Variants in PLA2R1 observed in about 807,000 individuals in gnomAD.
PLA2R1 encodes the protein secretory phospholipase A2 receptor.
A neutral mutation model predicts 195.9 loss-of-function variants in PLA2R1; 158 were observed. That is an observed-to-expected ratio of 0.81 (90% CI 0.71 to 0.92). PLA2R1 has a LOEUF of 0.92. PLA2R1 is among the 40% of genes least tolerant of loss of function. The pLI is 0.00. For missense variants in PLA2R1, 1,626 were observed against 1,764.6 expected, an observed-to-expected ratio of 0.92 and a Z score of 1.41; for synonymous variants, 586 against 598.2, an observed-to-expected ratio of 0.98 and a Z score of 0.30.
rs766585617 is a variant in PLA2R1, at chr2:159,987,115, T to C, written c.2037+41A>G. The C allele has an allele frequency of 4.2e-6, 6 of 1,431,514 alleles. No homozygotes were observed. The Admixed American group carries it at 6.7e-5, about 16-fold the overall frequency. The allele number at this position is 1,431,514 out of a possible 1,614,324, so 88.7% of individuals were successfully genotyped here. ...GGATACATGGATCAAATTAAAATAG[T>C]GTTGGTCCTGTTAAGAATGTCCATG... On this transcript the variant is annotated intron_variant, in intron 12 of 29. Transcript: ENST00000283243.
At chr2:160,062,245 G>T in intron 1 of PLA2R1, 50 bp downstream of exon 1, 1 of 544,826 alleles carries the variant, frequency 1.8e-6, no homozygotes, top group Non-Finnish European at 2.7e-6. Context: ...CGACCACCCC[G>T]ACCCCCCTCC....
chr2:159,948,303 C>G (rs1687514462), intron 25 of PLA2R1, among the ~76,000 whole-genome samples: 1 of 152,126 alleles, frequency 6.6e-6, no homozygotes, highest in Non-Finnish European at 1.5e-5. Context: ...GGCACAATCA[C>G]AGCTCACTGC....
Position 160,020,192 on chromosome 2 carries a change from A to G in PLA2R1, c.1366T>C (p.Ser456Pro), listed in dbSNP as rs1693016066. The G allele has an allele frequency of 1.2e-6, 2 of 1,610,226 alleles. No individual in the cohort carries two copies. The highest frequency in any genetic ancestry group is 1.7e-6 in the Non-Finnish European group (2 of 1,176,428). ...IPVSFEWSND[S>P]SVIFTNWHTL... ...TGCCAATTAGTAAAGATGACTGAAG[A>G]GTCATTAGACCATTCAAAGGAAACT... is the stretch of plus-strand genomic sequence containing the variant. Residue 456 changes from serine to proline, a missense_variant, in exon 8 of 30, where the codon TCT becomes CCT. By Grantham distance (74) the Ser-to-Pro change is moderately conservative (BLOSUM62 -1). Transcript: ENST00000283243.
rs530700263 is a variant in PLA2R1 at position 160,018,169 on chromosome 2, G to A, written c.1453-1457C>T. On this transcript the variant is annotated intron_variant, in intron 8 of 29. Transcript: ENST00000283243. ...AAAATATTACACTTACGGCAGCATT[G>A]TCCTGACATATCCAATACTATTAAT... 3.9e-5 allele frequency among the ~76,000 whole-genome samples: 6 copies of A among 152,126 alleles called. No homozygotes were observed. The East Asian group carries it at 1.2e-3, about 29-fold the overall frequency.
At chr2:159,946,746 C>A (rs370646773) in intron 27 of PLA2R1, 55 bp downstream of exon 27, 13 of 1,507,460 alleles carry the variant, frequency 8.6e-6, no homozygotes, top group Non-Finnish European at 1.1e-5. Flanking sequence ...CCATTATCAT[C>A]AGCTTTAACA....
At chr2:159,929,769 TGAGTG>T (rs1310157276), downstream of PLA2R1, among the ~76,000 whole-genome samples, 4 of 151,932 alleles carry the variant, frequency 2.6e-5, no homozygotes, top group Non-Finnish European at 4.4e-5. Context: ...CATCAATCAA[TGAGTG>T]GATAAAGAAA....
intron 11 of PLA2R1, among the ~76,000 whole-genome samples, chr2:159,998,542 G>T (rs1001821017): frequency 6.6e-6 from 1 of 152,054 alleles, no homozygotes; most frequent in East Asian, 1.9e-4. Context: ...GAACACTTCC[G>T]ATCCTAATAT....
intron 11 of PLA2R1, among the ~76,000 whole-genome samples, chr2:159,988,156 C>A (rs78310501): frequency 2.1e-5 from 3 of 146,168 alleles, no homozygotes; most frequent in South Asian, 2.2e-4. Context: ...CATATGACAG[C>A]AAAAAAAAAA....
chr2:159,936,377 C>A lies in PLA2R1; in HGVS notation c.*5401G>T, dbSNP rs565681084. 2.7e-4 allele frequency: 41 copies of A among 152,132 alleles called. No individual in the cohort carries two copies. The highest frequency in any genetic ancestry group is 9.9e-4 in the African/African-American group (41 of 41,510). 9.4% of individuals were successfully genotyped at this position (152,132 alleles called of 1,614,324 possible). A position where few individuals can be genotyped will look rare whatever the true frequency, so the allele number is the denominator to read the frequency against. ...TGATCAGAACAAAATAAATATGTTA[C>A]AAAGATTAAGATAGTATATGTCAAA... On this transcript the variant is annotated 3_prime_UTR_variant, in exon 30 of 30. Coordinates refer to ENST00000283243, the MANE Select transcript of PLA2R1 (RefSeq NM_007366.5).
At chr2:160,015,225 A>G (rs773374922) in intron 9 of PLA2R1, among the ~76,000 whole-genome samples, 186 of 152,346 alleles carry the variant, frequency 1.2e-3, no homozygotes, top group Non-Finnish European at 3.5e-4. Flanking sequence ...CATATTGTCC[A>G]ATCCCAAAAA....
chr2:160,014,875 G>C (rs190775210), intron 9 of PLA2R1, among the ~76,000 whole-genome samples: 157 of 152,286 alleles, frequency 1.0e-3, no homozygotes, highest in African/African-American at 3.7e-3. Flanking sequence ...GGTAGGAGCA[G>C]GGATATTAGA....
intron 10 of PLA2R1, among the ~76,000 whole-genome samples, chr2:160,006,866 A>C (rs1185436033): frequency 1.3e-5 from 2 of 152,224 alleles, no homozygotes; most frequent in Non-Finnish European, 2.9e-5. Flanking sequence ...AAGCAAAAGC[A>C]ATGAGGTCAT....
In PLA2R1 at chr2:160,003,594, CT is replaced by C. The variant is rs764628267; in HGVS notation, c.1834+2057del. The stretch of plus-strand genomic sequence containing the variant: ...GGTAGACATTAAAAGAATAGTAAAA[CT>C]TTTTTTATTCTATCAAATTGGCAAA... On this transcript the variant is annotated intron_variant, in intron 11 of 29. Transcript: ENST00000283243. Among the ~76,000 whole-genome samples the C allele has an allele frequency of 3.3e-5, 5 of 152,136 alleles. No homozygotes were observed. In the East Asian group the frequency reaches 9.6e-4, roughly 29 times the overall value.
the PLA2R1 span, among the ~76,000 whole-genome samples, chr2:159,925,194 A>C: frequency 4.0e-4 from 47 of 118,084 alleles, no homozygotes; most frequent in Middle Eastern, 3.9e-3. Flanking sequence ...GTTATAAAAA[A>C]AAACAAACAA....
chr2:159,967,080 C>T lies in PLA2R1; in HGVS notation c.2904+459G>A, dbSNP rs1267891960. Among the ~76,000 whole-genome samples the T allele has an allele frequency of 2.0e-5, 3 of 152,078 alleles. No individual in the cohort carries two copies. The East Asian group carries it at 5.8e-4, about 29-fold the overall frequency. On this transcript the variant is annotated intron_variant, in intron 20 of 29. Transcript: ENST00000283243. ...ATGCCGGCTCCAGGCAGGGAAAACA[C>T]AAGAGTAGGAGATGGAGTCTGGGTC... is the stretch of plus-strand genomic sequence containing the variant.
At chr2:159,947,071 C>T (rs1687436389) in intron 26 of PLA2R1, among the ~76,000 whole-genome samples, 154 bp from the exon 27 acceptor site, 1 of 152,086 alleles carries the variant, frequency 6.6e-6, no homozygotes, top group African/African-American at 2.4e-5. Flanking sequence ...AGTAAAACCA[C>T]ATTTTTTAAA....
At chr2:160,045,954 G>A (rs544074869) in intron 1 of PLA2R1, among the ~76,000 whole-genome samples, 8 of 152,298 alleles carry the variant, frequency 5.3e-5, no homozygotes, top group Admixed American at 3.3e-4. Context: ...TCTCCTCCCC[G>A]GAGCTGGAAG....
chr2:160,062,485 G>C lies in PLA2R1; in HGVS notation c.-82C>G. 2.8e-6 allele frequency: 4 copies of C among 1,437,282 alleles called. No individual in the cohort carries two copies. Among genetic ancestry groups the C allele is most frequent in the South Asian group, 1.5e-5 (1 of 68,658 alleles). The allele number at this position is 1,437,282 out of a possible 1,614,324, so 89.0% of individuals were successfully genotyped here. On this transcript the variant is annotated 5_prime_UTR_variant, in exon 1 of 30. Transcript: ENST00000283243. ...GCCCAGAGCCGCGTCCCAAGCACCC[G>C]GCCCCGCCGCGCGGAAGCGGATCCG...
At chr2:159,958,610 T>C (rs1437712605) in intron 20 of PLA2R1, among the ~76,000 whole-genome samples, 1 of 152,138 alleles carries the variant, frequency 6.6e-6, no homozygotes, top group Non-Finnish European at 1.5e-5. Flanking sequence ...CTAGTAAACA[T>C]TTATTAAGCA....
Sources: gnomAD v4.1 joint callset for allele counts (sites outside exome capture counted in the v4.1 genomes callset) on GRCh38, gnomAD v4.1.1 for gene constraint, MANE v1.5 for transcripts, NCBI Gene and HGNC (gene_info 2026-07-23, HGNC 2026-07-21) for gene names.